The following PPP1R2 variants were observed in gnomAD, a reference collection of about 807,000 sequenced individuals.
The protein encoded by PPP1R2 is protein phosphatase inhibitor 2.
Under a neutral mutation model 29.9 loss-of-function variants are expected in PPP1R2, and 16 were observed. The observed-to-expected ratio is 0.53, with a 90% confidence interval of 0.36 to 0.81. The LOEUF (loss-of-function observed/expected upper bound fraction) is 0.81, where lower values mean the gene tolerates loss of function less well. Ranked by LOEUF, PPP1R2 falls within the 30% of genes least tolerant of loss-of-function variation. The probability of loss-of-function intolerance (pLI) is 0.00; values close to 1 mark genes in which losing one functional copy is unlikely to be tolerated. For missense variants in PPP1R2, 197 were observed against 252.7 expected (o/e 0.78, Z 1.49); for synonymous variants, 76 against 91.5 (o/e 0.83, Z 0.96).
chr3:195,525,033 C>T (rs1718912789), intron 2 of PPP1R2, 137 bp from the exon 3 acceptor site: 1 of 693,338 alleles, frequency 1.4e-6, no homozygotes. Context: ...TGAGGTTTAA[C>T]TTTATATAGT....
intron 5 of PPP1R2, among the ~76,000 whole-genome samples, chr3:195,518,674 T>TA (rs1425785360): frequency 6.6e-6 from 1 of 151,644 alleles, no homozygotes; most frequent in African/African-American, 2.4e-5. Context: ...AAGTTTCATT[T>TA]AAAAATTTTA....
chr3:195,540,648 G>A (rs1054543374), intron 1 of PPP1R2, among the ~76,000 whole-genome samples: 3 of 152,090 alleles, frequency 2.0e-5, no homozygotes, highest in Admixed American at 6.6e-5. Context: ...GGATTAATGG[G>A]TTATCAAGTG....
At chr3:195,538,207 C>T (rs570477086) in intron 1 of PPP1R2, among the ~76,000 whole-genome samples, 5 of 152,348 alleles carry the variant, frequency 3.3e-5, no homozygotes, top group East Asian at 3.9e-4. Flanking sequence ...GTGCTGAAAA[C>T]GTCACCGCTT....
chr3:195,541,850 A>G (rs1719612005), intron 1 of PPP1R2, among the ~76,000 whole-genome samples: 2 of 152,176 alleles, frequency 1.3e-5, no homozygotes, highest in South Asian at 2.1e-4. Context: ...AACCTACTCA[A>G]TATTTCCTTC....
At chr3:195,522,051 C>T (rs918394600) in intron 4 of PPP1R2, among the ~76,000 whole-genome samples, 1 of 152,144 alleles carries the variant, frequency 6.6e-6, no homozygotes, top group Non-Finnish European at 1.5e-5. Context: ...CCTACTTTTA[C>T]TTTTTATGGG....
At chr3:195,533,388 T>C (rs987451571) in intron 1 of PPP1R2, among the ~76,000 whole-genome samples, 11 of 150,722 alleles carry the variant, frequency 7.3e-5, no homozygotes, top group Non-Finnish European at 1.6e-4. Context: ...GTTGTTTCAG[T>C]GTGAGTAGTT....
intron 4 of PPP1R2, among the ~76,000 whole-genome samples, chr3:195,520,135 G>A (rs908844155): frequency 1.7e-4 from 26 of 152,004 alleles, no homozygotes; most frequent in Non-Finnish European, 3.2e-4. Context: ...TCAGTCTCCC[G>A]AGTAGTTGGG....
rs73890864 is a variant in PPP1R2, at chr3:195,541,825, C to T, written c.122+1079G>A. Among the ~76,000 whole-genome samples the T allele has an allele frequency of 1.6e-3, 244 of 152,194 alleles. 1 individual carries two copies. The highest frequency in any genetic ancestry group is 5.8e-3 in the African/African-American group (241 of 41,506). On this transcript the variant is annotated intron_variant, in intron 1 of 5. Transcript: ENST00000618156. The stretch of plus-strand genomic sequence containing the variant: ...GGTCCTTTCCAGCCCCAAAAGGCCA[C>T]GATTCTAACCTATGAACCTACTCAA...
intron 1 of PPP1R2, among the ~76,000 whole-genome samples, chr3:195,539,535 A>T (rs1719515036): frequency 6.6e-6 from 1 of 152,116 alleles, no homozygotes. Flanking sequence ...AATATACTAA[A>T]ACCCCATCTC....
chr3:195,536,952 A>G (rs1365548064), intron 1 of PPP1R2, among the ~76,000 whole-genome samples: 1 of 152,122 alleles, frequency 6.6e-6, no homozygotes, highest in Non-Finnish European at 1.5e-5. Context: ...GATTGAAGAA[A>G]AAGAACTACA....
At chr3:195,532,409 G>A (rs924879657) in intron 1 of PPP1R2, among the ~76,000 whole-genome samples, 10 of 151,974 alleles carry the variant, frequency 6.6e-5, no homozygotes, top group African/African-American at 2.4e-4. Context: ...GAGTGGGACT[G>A]TGTAATTTTT....
rs147671595 is a variant in PPP1R2, at chr3:195,520,495, C to G, written c.404-1310G>C. On this transcript the variant is annotated intron_variant, in intron 4 of 5. Transcript: ENST00000618156. ...GGTGTGGTAGTACACGACTGTGGTCCCAGCTACTGGGAAGGCTGAGATGGG... is the reference window on the plus strand; with the variant it reads ...GGTGTGGTAGTACACGACTGTGGTCGCAGCTACTGGGAAGGCTGAGATGGG... 6.5e-3 allele frequency among the ~76,000 whole-genome samples: 987 copies of G among 152,124 alleles called. 9 individuals carry two copies. The highest frequency in any genetic ancestry group is 0.022 in the African/African-American group (910 of 41,510).
chr3:195,533,363 A>T (rs1490975074), intron 1 of PPP1R2, among the ~76,000 whole-genome samples: 1 of 151,130 alleles, frequency 6.6e-6, no homozygotes, highest in African/African-American at 2.4e-5. Context: ...AAAAAAAAAA[A>T]GCTCTATGAT....
chr3:195,542,521 G>A (rs1719633442), intron 1 of PPP1R2, among the ~76,000 whole-genome samples: 1 of 152,114 alleles, frequency 6.6e-6, no homozygotes, highest in South Asian at 2.1e-4. Flanking sequence ...AGATCTTAAA[G>A]GGTTCCCAAA....
chr3:195,541,259 G>A (rs1560447118), intron 1 of PPP1R2, among the ~76,000 whole-genome samples: 2 of 152,080 alleles, frequency 1.3e-5, no homozygotes, highest in Non-Finnish European at 2.9e-5. Flanking sequence ...TCCAAGTTAA[G>A]AATAAACAGA....
chr3:195,537,481 T>TTGTGTG (rs71180930), intron 1 of PPP1R2, among the ~76,000 whole-genome samples: 2,452 of 128,542 alleles, frequency 0.019, 44 homozygotes, highest in East Asian at 0.041. Context: ...GGATTAGCTA[T>TTGTGTG]TGTGTGTGTG....
chr3:195,525,657 C>T (rs1490575720), intron 2 of PPP1R2, among the ~76,000 whole-genome samples: 3 of 152,120 alleles, frequency 2.0e-5, no homozygotes, highest in Admixed American at 6.6e-5. Flanking sequence ...GATCTAATTT[C>T]GGAAGTTTAC....
At chr3:195,521,573 A>T (rs1238884891) in intron 4 of PPP1R2, among the ~76,000 whole-genome samples, 1 of 151,928 alleles carries the variant, frequency 6.6e-6, no homozygotes, top group Non-Finnish European at 1.5e-5. Flanking sequence ...TATATATATA[A>T]AATATATTGT....
At chr3:195,521,258 T>C (rs1577565182) in intron 4 of PPP1R2, among the ~76,000 whole-genome samples, 1 of 125,746 alleles carries the variant, frequency 8.0e-6, no homozygotes, top group African/African-American at 3.1e-5. Context: ...GAGGTTGCAG[T>C]GAGCGAAGAT....
Sources: gnomAD v4.1 joint callset for allele counts (sites outside exome capture counted in the v4.1 genomes callset) on GRCh38, gnomAD v4.1.1 for gene constraint, MANE v1.5 for transcripts, NCBI Gene and HGNC (gene_info 2026-07-23, HGNC 2026-07-21) for gene names.